SMAP2: variants seen among roughly 807,000 people sequenced by gnomAD.
SMAP2 encodes the protein stromal membrane-associated protein 2.
Under a neutral mutation model 56.4 loss-of-function variants are expected in SMAP2, and 25 were observed. The observed-to-expected ratio is 0.44, with a 90% CI of 0.32 to 0.62. The LOEUF (loss-of-function observed/expected upper bound fraction) is 0.62. SMAP2 is among the 20% of genes least tolerant of loss of function. The probability of loss-of-function intolerance (pLI) is 0.04; values close to 1 mark genes in which losing one functional copy is unlikely to be tolerated. For synonymous variants in SMAP2, 157 were observed against 181.7 expected, an observed-to-expected ratio of 0.86 and a Z score of 1.09; for missense variants, 388 against 545.6, an observed-to-expected ratio of 0.71 and a Z score of 2.88.
intron 1 of SMAP2, chr1:40,344,943 C>T (rs1178555004): frequency 6.7e-6 from 1 of 150,032 alleles, no homozygotes; most frequent in East Asian, 2.0e-4. Context: ...TTCTTTCCTT[C>T]TTTTCTTTTT....
upstream of SMAP2, among the ~76,000 whole-genome samples, chr1:40,373,285 G>A (rs969012850): frequency 1.3e-5 from 2 of 152,132 alleles, no homozygotes; most frequent in Non-Finnish European, 2.9e-5. Context: ...TATATCCTGG[G>A]TTAGGGGCTT....
chr1:40,418,114 A>G (rs1485977861), intron 9 of SMAP2, among the ~76,000 whole-genome samples: 1 of 152,226 alleles, frequency 6.6e-6, no homozygotes, highest in East Asian at 1.9e-4. Context: ...ATGTCCTTAA[A>G]CATTTGCAGA....
At chr1:40,403,504 C>CA (rs1384053627) in intron 1 of SMAP2, among the ~76,000 whole-genome samples, 1 of 151,534 alleles carries the variant, frequency 6.6e-6, no homozygotes, top group Non-Finnish European at 1.5e-5. Context: ...GACTCTGTCT[C>CA]AAAAAAATAA....
At chr1:40,416,466 G>T in intron 8 of SMAP2, 125 bp downstream of exon 8, 1 of 1,047,580 alleles carries the variant, frequency 9.5e-7, no homozygotes, top group Non-Finnish European at 1.4e-6. Flanking sequence ...AAACAAACCT[G>T]AACATGACCA....
chr1:40,375,835 C>T, intron 1 of SMAP2: 5 of 822,336 alleles, frequency 6.1e-6, no homozygotes, highest in Non-Finnish European at 7.3e-6. Flanking sequence ...AACCCCCCCC[C>T]CCATTTCTCA....
rs1393020902 is a variant in SMAP2 at position 40,352,667 on chromosome 1, C to T, written c.-83+7757C>T. 1.2e-4 allele frequency among the ~76,000 whole-genome samples: 13 copies of T among 112,670 alleles called. No homozygotes were observed. In the Admixed American group the frequency reaches 1.2e-3, roughly 11 times the overall value. 73.9% of individuals were successfully genotyped at this position (112,670 alleles called of 152,430 possible). A position where few individuals can be genotyped will look rare whatever the true frequency, so the allele number is the denominator to read the frequency against. ...AATCCTCCCACCTTAGCTAGGACTA[C>T]AGCAGCAAGCCACCATTCTCTGCTA... On this transcript the variant is annotated intron_variant, in intron 1 of 6. Transcript: ENST00000435168.
At position 40,404,533 on chromosome 1, in the gene SMAP2, C is replaced by T. The variant is rs550530134; in HGVS notation, c.104-2203C>T. On this transcript the variant is annotated intron_variant, in intron 1 of 9. Transcript: ENST00000372718. ...TAGATGATTGGGAATTGCCTTTTCC[C>T]ATCTTAAGGCCAGGAAGCAAACAGT... 2.6e-5 allele frequency among the ~76,000 whole-genome samples: 4 copies of T among 152,292 alleles called. No individual in the cohort carries two copies. In the South Asian group the frequency reaches 8.3e-4, roughly 32 times the overall value.
At chr1:40,412,296 C>G (rs1467535600) in intron 4 of SMAP2, among the ~76,000 whole-genome samples, 6 of 152,174 alleles carry the variant, frequency 3.9e-5, no homozygotes, top group Admixed American at 2.0e-4. Context: ...CCATTTTACT[C>G]TCTCTTCTCA....
At chr1:40,361,299 T>C (rs1382269944) in intron 1 of SMAP2, among the ~76,000 whole-genome samples, 1 of 151,782 alleles carries the variant, frequency 6.6e-6, no homozygotes, top group Non-Finnish European at 1.5e-5. Context: ...ATTCTTCACT[T>C]GTTCACTCAA....
chr1:40,406,120 C>T (rs1387165226), intron 1 of SMAP2, among the ~76,000 whole-genome samples: 3 of 152,040 alleles, frequency 2.0e-5, no homozygotes, highest in East Asian at 3.8e-4. Context: ...GAATACAGGC[C>T]ACCACTAAAA....
In SMAP2 at chr1:40,407,938, TCCTAC is replaced by T. The variant is rs796201080; in HGVS notation, c.238-714_238-710del. On this transcript the variant is annotated intron_variant, in intron 2 of 9. Transcript: ENST00000372718. The stretch of plus-strand genomic sequence containing the variant: ...ATAGCTTCATTATTTTTTATTCTCT[TCCTAC>T]ATTGAAACGCTTTAATTTCAATTTT... Among the ~76,000 whole-genome samples the T allele has an allele frequency of 2.1e-4, 32 of 152,300 alleles. 3 individuals are homozygous for T. In the South Asian group the frequency reaches 6.2e-3, roughly 30 times the overall value.
At chr1:40,393,222 A>T in intron 1 of SMAP2, 1 of 1,155,424 alleles carries the variant, frequency 8.7e-7, no homozygotes, top group East Asian at 2.6e-5. Flanking sequence ...GCTACTCAAG[A>T]AGCTGAGGTG....
At position 40,374,577 on chromosome 1, in the gene SMAP2, T is replaced by TTGCGTGCGTGCG. The variant is rs200385638; in HGVS notation, c.103+365_103+376dup. ...CTTGCAAAGCTGGGGATGAACTGCATTGCGTGCGTGCGTGCGTGCGTGTGT... is the reference window on the plus strand; with the variant it reads ...CTTGCAAAGCTGGGGATGAACTGCATTGCGTGCGTGCGTGCGTGCGTGCGTGCGTGCGTGTGT... On this transcript the variant is annotated intron_variant, in intron 1 of 9. Coordinates refer to ENST00000372718, the MANE Select transcript of SMAP2 (RefSeq NM_022733.3). The surrounding 1 kb of genome is among the most constrained non-coding windows in gnomAD (Gnocchi z 5.9). The TTGCGTGCGTGCG allele has an allele frequency of 3.2e-6, 3 of 927,550 alleles. No homozygotes were observed. Among genetic ancestry groups the TTGCGTGCGTGCG allele is most frequent in the Middle Eastern group, 2.4e-4 (1 of 4,252 alleles). 57.5% of individuals were successfully genotyped at this position (927,550 alleles called of 1,614,324 possible). A position where few individuals can be genotyped will look rare whatever the true frequency, so the allele number is the denominator to read the frequency against.
chr1:40,388,336 G>T (rs1644681713), intron 1 of SMAP2, among the ~76,000 whole-genome samples: 1 of 152,256 alleles, frequency 6.6e-6, no homozygotes, highest in Non-Finnish European at 1.5e-5. Flanking sequence ...GGGCCTTGGA[G>T]AACCTTTATG....
rs890949781 is a variant in SMAP2 at position 40,399,440 on chromosome 1, G to A, written c.104-7296G>A. Among the ~76,000 whole-genome samples the A allele has an allele frequency of 7.4e-5, 11 of 149,288 alleles. No homozygotes were observed. The East Asian group carries it at 1.4e-3, about 19-fold the overall frequency. On this transcript the variant is annotated intron_variant, in intron 1 of 9. Transcript: ENST00000372718. ...CTCCCAAAGTGTTGGGATTACAGGC[G>A]TGAGCCACCGTGCCTGGCCCATTTC... is the stretch of plus-strand genomic sequence containing the variant.
chr1:40,372,327 G>A (rs1221663974), upstream of SMAP2, among the ~76,000 whole-genome samples: 1 of 152,136 alleles, frequency 6.6e-6, no homozygotes, highest in East Asian at 1.9e-4. Flanking sequence ...GGGGGTTGGA[G>A]GGGTGGTTCT....
chr1:40,384,667 C>T (rs973754795), intron 1 of SMAP2, among the ~76,000 whole-genome samples: 3 of 152,200 alleles, frequency 2.0e-5, no homozygotes, highest in African/African-American at 7.2e-5. Flanking sequence ...ATAAAGGACT[C>T]TCGTTGTTTG....
intron 1 of SMAP2, among the ~76,000 whole-genome samples, chr1:40,378,646 T>A (rs1263189745): frequency 6.6e-6 from 1 of 152,106 alleles, no homozygotes; most frequent in Non-Finnish European, 1.5e-5. Context: ...CATTTGATCA[T>A]CTTGAGGAGT....
Position 40,374,388 on chromosome 1 carries a change from ATTG to A in SMAP2, c.103+166_103+168del, listed in dbSNP as rs924924834. On this transcript the variant is annotated intron_variant, in intron 1 of 9. Coordinates refer to ENST00000372718, the MANE Select transcript of SMAP2 (RefSeq NM_022733.3). This position sits in a 1 kb window ranked among gnomAD's most constrained non-coding sequence, Gnocchi z 5.9. ...CTACTGGGCTTTCTGCAGCTGGGGG[ATTG>A]GTATGGGTAGAGCTTGCGAGGGCGA... is the stretch of plus-strand genomic sequence containing the variant. Among the ~76,000 whole-genome samples, 1 of 151,414 alleles carries A rather than the reference ATTG, an allele frequency of 6.6e-6. No homozygotes were observed. Among genetic ancestry groups the A allele is most frequent in the African/African-American group, 2.4e-5 (1 of 41,152 alleles).
Sources: gnomAD v4.1 joint callset for allele counts (sites outside exome capture counted in the v4.1 genomes callset) on GRCh38, gnomAD v4.1.1 for gene constraint, Gnocchi (gnomAD v3.1) non-coding constraint, MANE v1.5 for transcripts, NCBI Gene and HGNC (gene_info 2026-07-23, HGNC 2026-07-21) for gene names.